The following TOMM70 variants were observed in gnomAD, a reference collection of about 807,000 sequenced individuals.
TOMM70 encodes the protein mitochondrial import receptor subunit TOM70.
Under a neutral mutation model 73.6 loss-of-function variants are expected in TOMM70, and 13 were observed. The observed-to-expected ratio is 0.18, with a 90% confidence interval of 0.11 to 0.28. TOMM70 has a LOEUF of 0.28. Ranked by LOEUF, TOMM70 falls within the 10% of genes least tolerant of loss-of-function variation. TOMM70 has a pLI of 1.00. For missense variants in TOMM70, 609 were observed against 747.5 expected (o/e 0.81, Z 2.16); for synonymous variants, 257 against 271.2 (o/e 0.95, Z 0.51).
At chr3:100,385,098 G>A (rs1366050420) in intron 3 of TOMM70, among the ~76,000 whole-genome samples, 1 of 152,144 alleles carries the variant, frequency 6.6e-6, no homozygotes, top group East Asian at 1.9e-4. Flanking sequence ...TCAGCCTTTC[G>A]TTCAAAGCAC....
chr3:100,386,859 C>G lies in TOMM70; in HGVS notation c.444G>C (p.Lys148Asn). Reference protein sequence around the residue: ...TEAISLCPTEKNVDLSTFYQN... With the variant: ...TEAISLCPTENNVDLSTFYQN... Reference sequence around the variant, plus strand: ...GATAAAATGTAGAAAGGTCAACATTCTTCTCTGTAGGGCACAAGCTAATAG... The same window carrying G: ...GATAAAATGTAGAAAGGTCAACATTGTTCTCTGTAGGGCACAAGCTAATAG... Residue 148 changes from lysine (K) to asparagine (N), a missense_variant, in exon 2 of 12, where the codon AAG (lysine) becomes AAC (asparagine). By Grantham distance (94) the Lys-to-Asn change is moderately conservative. This residue lies in a region of TOMM70 where 432 missense variants were observed against 584.1 expected (regional missense o/e 0.74). Transcript: ENST00000284320. 6.2e-7 allele frequency: 1 copy of G among 1,614,118 alleles called. No individual in the cohort carries two copies. The highest frequency in any genetic ancestry group is 1.7e-5 in the Admixed American group (1 of 60,010).
At chr3:100,371,122 T>C (rs1262348072) in intron 9 of TOMM70, among the ~76,000 whole-genome samples, 2 of 152,200 alleles carry the variant, frequency 1.3e-5, no homozygotes, top group Non-Finnish European at 2.9e-5. Flanking sequence ...AATTTTCTCA[T>C]AGTTCCACCC....
intron 1 of TOMM70, among the ~76,000 whole-genome samples, chr3:100,388,068 CA>C (rs1222176135): frequency 1.3e-5 from 2 of 152,106 alleles, no homozygotes; most frequent in African/African-American, 2.4e-5. Flanking sequence ...AAGACAAGCA[CA>C]TATAAATTAA....
chr3:100,397,664 G>C (rs1706839873), intron 1 of TOMM70, among the ~76,000 whole-genome samples: 1 of 152,200 alleles, frequency 6.6e-6, no homozygotes, highest in Admixed American at 6.5e-5. Context: ...GCCAAGGCGG[G>C]TGAATCACGA....
Position 100,365,395 on chromosome 3 carries a change from A to T in TOMM70, c.*169T>A, listed in dbSNP as rs1006896700. On this transcript the variant is annotated 3_prime_UTR_variant, in exon 12 of 12. Transcript: ENST00000284320. The stretch of plus-strand genomic sequence containing the variant: ...AGCTGCAAGACTGCAAACTTCCTTC[A>T]ACAGCCACACCCACAACACCTAGAC... 5 of 968,654 alleles carry T rather than the reference A, an allele frequency of 5.2e-6. No homozygotes were observed. Among genetic ancestry groups the T allele is most frequent in the Non-Finnish European group, 7.3e-6 (5 of 680,714 alleles). 60.0% of individuals were successfully genotyped at this position (968,654 alleles called of 1,614,324 possible).
chr3:100,394,800 G>A (rs1458532541), intron 1 of TOMM70, among the ~76,000 whole-genome samples: 1 of 152,116 alleles, frequency 6.6e-6, no homozygotes, highest in Non-Finnish European at 1.5e-5. Flanking sequence ...ACTGTACCTG[G>A]CCAACCAATT....
intron 4 of TOMM70, among the ~76,000 whole-genome samples, chr3:100,382,003 T>C (rs1706639805): frequency 6.6e-6 from 1 of 152,172 alleles, no homozygotes; most frequent in South Asian, 2.1e-4. Flanking sequence ...AGACCACATC[T>C]TACACAGGTG....
At chr3:100,369,498 AT>A (rs11327711) in intron 9 of TOMM70, among the ~76,000 whole-genome samples, 20,323 of 137,634 alleles carry the variant, frequency 0.15, 2,262 homozygotes, top group East Asian at 0.47. Flanking sequence ...GCCCAAGGGA[AT>A]TTTTTTTTTT....
In TOMM70 at chr3:100,377,835, A is replaced by G. The variant is rs759748554; in HGVS notation, c.962T>C (p.Ile321Thr). 2.1e-5 allele frequency: 34 copies of G among 1,614,180 alleles called. No individual in the cohort carries two copies. The highest frequency in any genetic ancestry group is 5.0e-5 in the Admixed American group (3 of 60,026). Residue 321 changes from isoleucine (I) to threonine (T), a missense_variant, in exon 6 of 12, where the codon ATA becomes ACA. This residue lies in a region of TOMM70 where 432 missense variants were observed against 584.1 expected (regional missense o/e 0.74). Coordinates refer to ENST00000284320, the MANE Select transcript of TOMM70 (RefSeq NM_014820.5). ...DKIISECSKEIDAEGKYMAEA... is the reference protein window; with the variant it reads ...DKIISECSKETDAEGKYMAEA... ...TGCCATGTATTTGCCTTCAGCATCT[A>G]TTTCTTTTGAGCATTCACTTATGAT...
chr3:100,390,869 G>A (rs1233619807), intron 1 of TOMM70, among the ~76,000 whole-genome samples: 11 of 152,032 alleles, frequency 7.2e-5, no homozygotes, highest in Non-Finnish European at 1.5e-5. Context: ...GCTGAGTGCG[G>A]CGGCTCACGC....
chr3:100,384,976 T>A (rs1176242034), intron 3 of TOMM70, among the ~76,000 whole-genome samples: 1 of 152,232 alleles, frequency 6.6e-6, no homozygotes, highest in Non-Finnish European at 1.5e-5. Flanking sequence ...AAAGCCATCT[T>A]GCCACAGAGC....
chr3:100,400,388 GAAGAA>G (rs1706879796), intron 1 of TOMM70, among the ~76,000 whole-genome samples: 1 of 152,184 alleles, frequency 6.6e-6, no homozygotes. Flanking sequence ...GTGTCACTGA[GAAGAA>G]AAGCAAAGGA....
At position 100,373,313 on chromosome 3, in the gene TOMM70, G is replaced by A. The variant is rs975901127; in HGVS notation, c.1335+225C>T. Among the ~76,000 whole-genome samples the A allele has an allele frequency of 7.2e-5, 11 of 152,246 alleles. No homozygotes were observed. In the East Asian group the frequency reaches 1.9e-3, roughly 27 times the overall value. The stretch of plus-strand genomic sequence containing the variant: ...ATGATGAAGCAGGGAGACCAGTTCT[G>A]TTTAGGGAAGTATAAAATCAGGGAC... On this transcript the variant is annotated intron_variant, in intron 8 of 11. Coordinates refer to ENST00000284320, the MANE Select transcript of TOMM70 (RefSeq NM_014820.5).
chr3:100,366,454 TAGTA>T (rs1706448384), intron 11 of TOMM70, among the ~76,000 whole-genome samples: 1 of 152,256 alleles, frequency 6.6e-6, no homozygotes, highest in Non-Finnish European at 1.5e-5. Flanking sequence ...GCATACATGT[TAGTA>T]AGGTACATTT....
intron 1 of TOMM70, among the ~76,000 whole-genome samples, chr3:100,398,546 A>T (rs1468798571): frequency 6.6e-6 from 1 of 152,230 alleles, no homozygotes; most frequent in East Asian, 1.9e-4. Flanking sequence ...AGAATTTCAG[A>T]CATCCAAAAT....
chr3:100,398,995 T>C (rs1377712203), intron 1 of TOMM70, among the ~76,000 whole-genome samples: 1 of 152,088 alleles, frequency 6.6e-6, no homozygotes, highest in African/African-American at 2.4e-5. Context: ...AGTAAAAATA[T>C]CTTCGCCCGG....
chr3:100,387,263 G>A (rs1042444728), intron 1 of TOMM70, among the ~76,000 whole-genome samples: 4 of 152,056 alleles, frequency 2.6e-5, no homozygotes, highest in African/African-American at 7.2e-5. Context: ...CCTGGGCAAC[G>A]TGTCGGAACC....
At chr3:100,377,651 T>C (rs906345838) in intron 6 of TOMM70, 54 bp downstream of exon 6, 2 of 1,551,330 alleles carry the variant, frequency 1.3e-6, no homozygotes, top group Non-Finnish European at 1.8e-6. Flanking sequence ...CAAAACATAA[T>C]GAAAGGCATC....
chr3:100,388,383 G>A (rs896296976), intron 1 of TOMM70, among the ~76,000 whole-genome samples: 1 of 152,178 alleles, frequency 6.6e-6, no homozygotes, highest in Admixed American at 6.5e-5. Flanking sequence ...AATCACATTA[G>A]AGTAGGGCTG....
Sources: allele counts gnomAD v4.1 joint callset (sites outside exome capture counted in the v4.1 genomes callset), GRCh38; gene constraint gnomAD v4.1.1; regional missense constraint gnomAD v4.1.1; transcripts MANE v1.5; gene names NCBI Gene and HGNC (gene_info 2026-07-23, HGNC 2026-07-21).